The following NRG1 variants were observed in gnomAD, a reference collection of about 807,000 sequenced individuals.
NRG1 encodes the protein pro-neuregulin-1, membrane-bound isoform.
In NRG1, 18 loss-of-function variants were observed where a neutral mutation model predicts 63.8. That is an observed-to-expected ratio of 0.28 (90% CI 0.19 to 0.42). The LOEUF (loss-of-function observed/expected upper bound fraction) is 0.42, where lower values mean the gene tolerates loss of function less well. NRG1 is among the 10% of genes least tolerant of loss of function. The pLI is 1.00. For synonymous variants in NRG1, 302 were observed against 301.3 expected (o/e 1.00, Z -0.02); for missense variants, 762 against 814.7 (o/e 0.94, Z 0.79).
chr8:32,141,227 A>G (rs1361733130), intron 1 of NRG1, among the ~76,000 whole-genome samples: 1 of 152,006 alleles, frequency 6.6e-6, no homozygotes, highest in Non-Finnish European at 1.5e-5. Context: ...TGACCAAGGA[A>G]TGTGGTACCA....
At chr8:32,286,375 A>T (rs1015011553) in intron 1 of NRG1, among the ~76,000 whole-genome samples, 1 of 152,162 alleles carries the variant, frequency 6.6e-6, no homozygotes, top group Admixed American at 6.5e-5. Context: ...ATGGTCAGGG[A>T]TGGCCTCACT....
chr8:32,568,617 G>A (rs1234225094), intron 1 of NRG1, among the ~76,000 whole-genome samples: 4 of 152,124 alleles, frequency 2.6e-5, no homozygotes, highest in Non-Finnish European at 4.4e-5. Context: ...TCACCCCAGA[G>A]CTCCTGGAAT....
intron 1 of NRG1, chr8:32,030,273 A>C (rs577805217): frequency 3.4e-4 from 52 of 152,266 alleles, no homozygotes; most frequent in African/African-American, 1.2e-3. Context: ...TATGTGGTTG[A>C]TTTGAGAGGA....
Position 31,640,567 on chromosome 8 carries a change from T to C in NRG1, c.37+1136T>C. 6.2e-7 allele frequency: 1 copy of C among 1,611,802 alleles called. No individual in the cohort carries two copies. The highest frequency in any genetic ancestry group is 8.5e-7 in the Non-Finnish European group (1 of 1,179,410). The stretch of plus-strand genomic sequence containing the variant: ...GACCTGGGGCCACCCCGCCTTCCCC[T>C]CCTGCGGGAGGCTCAAGGAGGACAG... On this transcript the variant is annotated intron_variant, in intron 1 of 10. Coordinates refer to the NRG1 transcript ENST00000519301. The surrounding 1 kb of genome is among the most constrained non-coding windows in gnomAD (Gnocchi z 6.3).
chr8:32,354,583 A>T (rs1257561829), intron 1 of NRG1, among the ~76,000 whole-genome samples: 2 of 151,928 alleles, frequency 1.3e-5, no homozygotes, highest in African/African-American at 4.8e-5. Flanking sequence ...GTCACAACTC[A>T]TCATATGGTA....
intron 1 of NRG1, among the ~76,000 whole-genome samples, chr8:32,066,173 A>G (rs12542994): frequency 0.3 from 45,353 of 149,842 alleles, 4,685 homozygotes; most frequent in East Asian, 0.57. Flanking sequence ...TTTGCTGTGC[A>G]GAAGCTCTTT....
intron 1 of NRG1, among the ~76,000 whole-genome samples, chr8:32,571,274 A>C (rs1838536685): frequency 6.6e-6 from 1 of 152,224 alleles, no homozygotes; most frequent in African/African-American, 2.4e-5. Context: ...ACTCACCAGA[A>C]ATGTTTTAGG....
At chr8:32,592,667 A>G (rs888498533) in intron 1 of NRG1, among the ~76,000 whole-genome samples, 14 of 152,194 alleles carry the variant, frequency 9.2e-5, no homozygotes, top group African/African-American at 3.4e-4. Context: ...TTATGATAAA[A>G]TGTTTATCAA....
chr8:32,183,435 A>G (rs560529495), intron 1 of NRG1, among the ~76,000 whole-genome samples: 21 of 152,314 alleles, frequency 1.4e-4, no homozygotes, highest in African/African-American at 5.1e-4. Context: ...CAAGTCTTAC[A>G]GCTCTGCCAA....
In NRG1 at chr8:31,890,056, G is replaced by A. The variant is rs118052810; in HGVS notation, c.37+250625G>A. Among the ~76,000 whole-genome samples, 6 of 152,314 alleles carry A rather than the reference G, an allele frequency of 3.9e-5. No homozygotes were observed. The East Asian group carries it at 1.2e-3, about 29-fold the overall frequency. ...CTCTTTTGTTCTGGAGAAGTGTTCT[G>A]TACATTGCAGGATGTTAAGTAGCAT... On this transcript the variant is annotated intron_variant, in intron 1 of 10. Coordinates refer to the NRG1 transcript ENST00000519301.
chr8:31,710,626 G>A (rs1811645426), intron 1 of NRG1, among the ~76,000 whole-genome samples: 1 of 151,916 alleles, frequency 6.6e-6, no homozygotes, highest in African/African-American at 2.4e-5. Context: ...ATTCTTGCTT[G>A]TCTAATATGA....
At chr8:32,451,476 G>A (rs1820933752) in intron 1 of NRG1, among the ~76,000 whole-genome samples, 2 of 152,156 alleles carry the variant, frequency 1.3e-5, no homozygotes, top group Non-Finnish European at 2.9e-5. Flanking sequence ...CGGGGAGGGG[G>A]ATTCTTCCCT....
intron 1 of NRG1, among the ~76,000 whole-genome samples, chr8:32,007,329 A>G (rs1813939444): frequency 1.3e-5 from 2 of 152,070 alleles, no homozygotes; most frequent in South Asian, 4.1e-4. Flanking sequence ...TTAATTGATC[A>G]GGCAAATAAT....
intron 1 of NRG1, among the ~76,000 whole-genome samples, chr8:32,268,169 G>A (rs1316617497): frequency 6.6e-6 from 1 of 152,150 alleles, no homozygotes; most frequent in Non-Finnish European, 1.5e-5. Flanking sequence ...CAATCTGAAG[G>A]AGCCTGAAAG....
Position 32,676,302 on chromosome 8 carries a change from C to A in NRG1, c.503-51647C>A, listed in dbSNP as rs140358049. 2.6e-3 allele frequency among the ~76,000 whole-genome samples: 390 copies of A among 152,256 alleles called. 3 individuals are homozygous for A. The highest frequency in any genetic ancestry group is 8.7e-3 in the African/African-American group (363 of 41,548). On this transcript the variant is annotated intron_variant, in intron 5 of 11. Transcript: ENST00000356819. ...CTGATAAGTCAGTGATCATGGACCA[C>A]AACAGGTGGCCATGACCCCAGGGGG...
At position 31,640,424 on chromosome 8, in the gene NRG1, C is replaced by A. The variant is rs761972784; in HGVS notation, c.37+993C>A. ...ACCGTGCCCTCTTGGCCCACCGCCC[C>A]GGTGCCCAGCGCCGGCGAGCCCGGG... is the stretch of plus-strand genomic sequence containing the variant. On this transcript the variant is annotated intron_variant, in intron 1 of 10. Coordinates refer to the NRG1 transcript ENST00000519301. The surrounding 1 kb of genome is among the most constrained non-coding windows in gnomAD (Gnocchi z 6.3). 8.0e-6 allele frequency: 12 copies of A among 1,501,746 alleles called. No homozygotes were observed. The highest frequency in any genetic ancestry group is 1.8e-6 in the Non-Finnish European group (2 of 1,124,676). 93.0% of individuals were successfully genotyped at this position (1,501,746 alleles called of 1,614,324 possible).
intron 7 of NRG1, chr8:32,749,306 A>G: frequency 1.9e-6 from 1 of 536,068 alleles, no homozygotes; most frequent in Non-Finnish European, 3.3e-6. Context: ...CTCCCTCAGT[A>G]AGGTCTTTTA....
chr8:32,736,930 T>TA (rs1410839363), intron 6 of NRG1, among the ~76,000 whole-genome samples: 1 of 152,118 alleles, frequency 6.6e-6, no homozygotes, highest in Non-Finnish European at 1.5e-5. Context: ...AATTGGAATA[T>TA]AAAAAATACA....
chr8:32,241,114 A>G (rs986830887), intron 1 of NRG1, among the ~76,000 whole-genome samples: 3 of 152,138 alleles, frequency 2.0e-5, no homozygotes, highest in African/African-American at 4.8e-5. Flanking sequence ...CTGCCCTGCA[A>G]CCACAGAGTT....
Sources: allele counts gnomAD v4.1 joint callset (sites outside exome capture counted in the v4.1 genomes callset), GRCh38; gene constraint gnomAD v4.1.1; non-coding constraint Gnocchi (gnomAD v3.1); transcripts MANE v1.5; gene names NCBI Gene and HGNC (gene_info 2026-07-23, HGNC 2026-07-21).